The following NTNG1 variants were observed in gnomAD, a reference collection of about 807,000 sequenced individuals.
NTNG1 encodes the protein netrin G1.
NTNG1 carries 16 observed loss-of-function variants against 54.0 expected under a neutral mutation model. The ratio of observed to expected loss-of-function variants is 0.30; its 90% CI spans 0.20 to 0.45. The LOEUF is 0.45. Among genes scored for constraint, NTNG1 ranks in the 20% least tolerant of loss-of-function variants. NTNG1 has a pLI of 1.00. For missense variants in NTNG1, 530 were observed against 678.7 expected (o/e 0.78, Z 2.43); for synonymous variants, 255 against 263.1 (o/e 0.97, Z 0.30).
intron 5 of NTNG1, chr1:107,418,607 C>T (rs372654635): frequency 8.2e-5 from 132 of 1,603,306 alleles, no homozygotes; most frequent in Non-Finnish European, 1.0e-4. Context: ...AGGATATGGC[C>T]GAATATTTCT....
At chr1:107,145,912 T>C (rs969271562) in intron 1 of NTNG1, among the ~76,000 whole-genome samples, 8 of 152,082 alleles carry the variant, frequency 5.3e-5, no homozygotes, top group Admixed American at 4.6e-4. Flanking sequence ...TGTCAGGAGA[T>C]AGCAAAGGGT....
Position 107,242,177 on chromosome 1 carries a change from G to A in NTNG1, c.247-82105G>A, listed in dbSNP as rs950421311. On this transcript the variant is annotated intron_variant, in intron 2 of 7. Coordinates refer to ENST00000370068, the MANE Select transcript of NTNG1 (RefSeq NM_001113226.3). ...TAGTCCCAGCTACTTGGAGGAGGGG[G>A]GGTGAGGGGATGGGGTCAGAGGAGT... is the stretch of plus-strand genomic sequence containing the variant. Among the ~76,000 whole-genome samples the A allele has an allele frequency of 3.3e-5, 5 of 152,116 alleles. 1 individual carries two copies. Among genetic ancestry groups the A allele is most frequent in the Non-Finnish European group, 5.9e-5 (4 of 68,028 alleles).
chr1:107,322,413 A>C (rs1022451841), intron 2 of NTNG1, among the ~76,000 whole-genome samples: 1 of 152,068 alleles, frequency 6.6e-6, no homozygotes, highest in Non-Finnish European at 1.5e-5. Context: ...TTTTGAAGTG[A>C]CCATATTTTT....
At chr1:107,227,514 C>T (rs1660767220) in intron 2 of NTNG1, among the ~76,000 whole-genome samples, 1 of 152,032 alleles carries the variant, frequency 6.6e-6, no homozygotes. Flanking sequence ...CTAGCTGGCT[C>T]CTCGGTTGGT....
At chr1:107,463,511 CA>C (rs1198242460) in intron 7 of NTNG1, among the ~76,000 whole-genome samples, 1 of 151,016 alleles carries the variant, frequency 6.6e-6, no homozygotes, top group Admixed American at 6.6e-5. Context: ...AAATAAGACA[CA>C]ATTTCATTCC....
chr1:107,377,687 G>C (rs1306158753), intron 3 of NTNG1, among the ~76,000 whole-genome samples: 1 of 152,222 alleles, frequency 6.6e-6, no homozygotes, highest in African/African-American at 2.4e-5. Flanking sequence ...CTATGAGCAA[G>C]TGCTTGGGCA....
At chr1:107,249,430 CGAGATGG>C (rs932764188) in intron 2 of NTNG1, among the ~76,000 whole-genome samples, 1 of 148,548 alleles carries the variant, frequency 6.7e-6, no homozygotes, top group Non-Finnish European at 1.5e-5. Flanking sequence ...TGCTGTGAGC[CGAGATGG>C]CGCCATTGCA....
intron 3 of NTNG1, among the ~76,000 whole-genome samples, chr1:107,390,001 A>G (rs1462538802): frequency 6.6e-6 from 1 of 152,156 alleles, no homozygotes; most frequent in Non-Finnish European, 1.5e-5. Flanking sequence ...ATTGACAGCA[A>G]TCTCCCAGCA....
At chr1:107,248,034 T>A (rs1379405767) in intron 2 of NTNG1, among the ~76,000 whole-genome samples, 1 of 152,244 alleles carries the variant, frequency 6.6e-6, no homozygotes, top group Non-Finnish European at 1.5e-5. Flanking sequence ...CTTGCCACGG[T>A]AGTAGACTTT....
intron 7 of NTNG1, among the ~76,000 whole-genome samples, chr1:107,458,764 T>C (rs1463839440): frequency 6.6e-6 from 1 of 152,194 alleles, no homozygotes; most frequent in Non-Finnish European, 1.5e-5. Context: ...CATATGATAG[T>C]TCCTTGGCAT....
intron 2 of NTNG1, among the ~76,000 whole-genome samples, chr1:107,221,795 A>T (rs549116489): frequency 3.9e-5 from 6 of 152,226 alleles, no homozygotes; most frequent in African/African-American, 1.4e-4. Flanking sequence ...CCAAAGGAGT[A>T]CAATTGTCAG....
intron 2 of NTNG1, among the ~76,000 whole-genome samples, chr1:107,161,938 A>AG (rs1287797006): frequency 1.4e-5 from 2 of 138,608 alleles, no homozygotes; most frequent in African/African-American, 5.1e-5. Flanking sequence ...ACCATCCTGG[A>AG]GAAAAAAAAA....
chr1:107,245,265 C>A (rs1215627382), intron 2 of NTNG1, among the ~76,000 whole-genome samples: 6 of 152,300 alleles, frequency 3.9e-5, no homozygotes, highest in Non-Finnish European at 8.8e-5. Context: ...GCATCTTATG[C>A]TTGAAAAACC....
intron 5 of NTNG1, 56 bp from the exon 6 acceptor site, chr1:107,430,694 T>A: frequency 6.4e-7 from 1 of 1,554,782 alleles, no homozygotes; most frequent in South Asian, 1.1e-5. Context: ...GCATGTAGTA[T>A]GCTATTACTC....
chr1:107,330,240 A>G (rs1189392999), intron 3 of NTNG1, among the ~76,000 whole-genome samples: 3 of 152,114 alleles, frequency 2.0e-5, no homozygotes, highest in Admixed American at 2.0e-4. Context: ...AAGGATTCCT[A>G]CCTCTTTCTC....
At chr1:107,166,287 T>A (rs540229433) in intron 2 of NTNG1, among the ~76,000 whole-genome samples, 3 of 152,340 alleles carry the variant, frequency 2.0e-5, no homozygotes, top group African/African-American at 7.2e-5. Flanking sequence ...CCTTTTAAAA[T>A]AAGTTTCTTT....
chr1:107,237,953 G>A (rs1043482178), intron 2 of NTNG1, among the ~76,000 whole-genome samples: 1 of 152,166 alleles, frequency 6.6e-6, no homozygotes, highest in Non-Finnish European at 1.5e-5. Context: ...GCCTACTGGG[G>A]CACCACCTAG....
At chr1:107,307,991 T>A (rs1311693941) in intron 2 of NTNG1, among the ~76,000 whole-genome samples, 1 of 152,076 alleles carries the variant, frequency 6.6e-6, no homozygotes, top group Admixed American at 6.6e-5. Flanking sequence ...ACAGCTCATG[T>A]CTTTGCCCAC....
chr1:107,405,397 G>T (rs900423993), intron 4 of NTNG1, among the ~76,000 whole-genome samples: 10 of 152,080 alleles, frequency 6.6e-5, no homozygotes, highest in Admixed American at 2.0e-4. Context: ...GCCACAAAAT[G>T]AGGAACAGCC....
Sources: gnomAD v4.1 joint callset for allele counts (sites outside exome capture counted in the v4.1 genomes callset) on GRCh38, gnomAD v4.1.1 for gene constraint, MANE v1.5 for transcripts, NCBI Gene and HGNC (gene_info 2026-07-23, HGNC 2026-07-21) for gene names.